The following ZHX2 variants were observed in gnomAD, a reference collection of about 807,000 sequenced individuals.
The protein encoded by ZHX2 is zinc fingers and homeoboxes 2, also known as zinc fingers and homeoboxes protein 2.
Under a neutral mutation model 21.9 loss-of-function variants are expected in ZHX2, and 6 were observed. That is an observed-to-expected ratio of 0.27 (90% CI 0.15 to 0.54). The LOEUF is 0.54. Among genes scored for constraint, ZHX2 ranks in the 20% least tolerant of loss-of-function variants. ZHX2 has a pLI of 0.95. For missense variants in ZHX2, 908 were observed against 1,090.7 expected, an observed-to-expected ratio of 0.83 and a Z score of 2.36; for synonymous variants, 434 against 437.1, an observed-to-expected ratio of 0.99 and a Z score of 0.09.
chr8:122,840,859 G>A (rs781677477), intron 1 of ZHX2, among the ~76,000 whole-genome samples: 5 of 152,208 alleles, frequency 3.3e-5, no homozygotes, highest in Admixed American at 6.5e-5. Flanking sequence ...GAAATCCAGT[G>A]TGACTTGCTC....
intron 2 of ZHX2, among the ~76,000 whole-genome samples, chr8:122,906,356 G>A (rs1172807210): frequency 2.0e-5 from 3 of 152,322 alleles, no homozygotes; most frequent in East Asian, 1.9e-4. Flanking sequence ...GAGATAACCT[G>A]TGAGTCCATC....
chr8:122,872,122 A>C (rs10112939), intron 2 of ZHX2, among the ~76,000 whole-genome samples: 1 of 152,072 alleles, frequency 6.6e-6, no homozygotes, highest in South Asian at 2.1e-4. Flanking sequence ...TCAGGTCTGC[A>C]GGCGAAGAAA....
intron 1 of ZHX2, among the ~76,000 whole-genome samples, chr8:122,783,358 TTC>T (rs556576013): frequency 3.3e-5 from 5 of 152,194 alleles, no homozygotes; most frequent in African/African-American, 1.2e-4. Context: ...TCTGATCACT[TTC>T]TCTCTGTTAA....
At chr8:122,914,298 G>A (rs926535259) in intron 2 of ZHX2, among the ~76,000 whole-genome samples, 2 of 152,190 alleles carry the variant, frequency 1.3e-5, no homozygotes, top group African/African-American at 2.4e-5. Context: ...AAGCCAGAAG[G>A]GACAGAGAAG....
chr8:122,966,776 C>T (rs913370324), intron 3 of ZHX2, among the ~76,000 whole-genome samples: 1 of 152,162 alleles, frequency 6.6e-6, no homozygotes, highest in African/African-American at 2.4e-5. Context: ...TCTCTTCTTC[C>T]TCAGAAGCAC....
At chr8:122,848,991 C>A (rs547634064) in intron 1 of ZHX2, among the ~76,000 whole-genome samples, 2 of 152,184 alleles carry the variant, frequency 1.3e-5, no homozygotes, top group African/African-American at 2.4e-5. Flanking sequence ...GGTCTCTTCG[C>A]GGCTGCTTGC....
intron 2 of ZHX2, among the ~76,000 whole-genome samples, chr8:122,933,045 G>A (rs1821032625): frequency 6.6e-6 from 1 of 152,164 alleles, no homozygotes; most frequent in African/African-American, 2.4e-5. Flanking sequence ...AGAGATGAAA[G>A]GCGTTCAAGG....
chr8:122,794,797 C>T (rs6993388), intron 1 of ZHX2, among the ~76,000 whole-genome samples: 4,740 of 152,232 alleles, frequency 0.031, 255 homozygotes, highest in African/African-American at 0.11. Context: ...TCCTCTCTCC[C>T]CTTTCATTCT....
intron 3 of ZHX2, among the ~76,000 whole-genome samples, chr8:122,968,412 C>A (rs536111462): frequency 2.6e-5 from 4 of 152,176 alleles, no homozygotes; most frequent in Non-Finnish European, 4.4e-5. Context: ...TGGGATGGCA[C>A]GGAGTTTTTG....
intron 1 of ZHX2, among the ~76,000 whole-genome samples, chr8:122,821,430 T>C (rs1009012903): frequency 6.6e-6 from 1 of 152,012 alleles, no homozygotes; most frequent in Admixed American, 6.6e-5. Flanking sequence ...TTGGCTTCCA[T>C]AGCAATGATT....
In ZHX2 at chr8:122,951,561, A is replaced by G. The variant is rs746911163; in HGVS notation, c.51A>G (p.Gln17=). Residue 17 remains glutamine (Q), a synonymous_variant, in exon 3 of 4, where the codon CAA becomes CAG. Coordinates refer to ENST00000314393, the MANE Select transcript of ZHX2 (RefSeq NM_014943.5). ...CTCCATGCATGGTTCGGACATCACAAGTAGTAGAACAAGATGTGCCCGAGG... is the reference window on the plus strand; with the variant it reads ...CTCCATGCATGGTTCGGACATCACAGGTAGTAGAACAAGATGTGCCCGAGG... ...STTPCMVRTS[Q]VVEQDVPEEV... is the part of the protein sequence containing the mutation. 1 of 1,613,774 alleles carries G rather than the reference A, an allele frequency of 6.2e-7. No individual in the cohort carries two copies. The highest frequency in any genetic ancestry group is 1.1e-5 in the South Asian group (1 of 90,996).
intron 1 of ZHX2, among the ~76,000 whole-genome samples, chr8:122,802,373 T>C (rs1281422931): frequency 6.6e-6 from 1 of 152,206 alleles, no homozygotes; most frequent in African/African-American, 2.4e-5. Context: ...TCAAGTCACT[T>C]TTCTTCTCAG....
intron 2 of ZHX2, among the ~76,000 whole-genome samples, chr8:122,940,243 T>C (rs1464332140): frequency 2.0e-5 from 3 of 152,186 alleles, no homozygotes; most frequent in Non-Finnish European, 4.4e-5. Flanking sequence ...GCACTAATGC[T>C]GAGCACTGAT....
chr8:122,877,787 G>A lies in ZHX2; in HGVS notation c.-220+14248G>A, dbSNP rs1248991907. On this transcript the variant is annotated intron_variant, in intron 2 of 3. Transcript: ENST00000314393. ...AGGAATTCTAAGAAGGAGGACTTGG[G>A]GGAGCTAAGACCTGGAGGAGGGGAA... Among the ~76,000 whole-genome samples the A allele has an allele frequency of 2.0e-5, 3 of 152,284 alleles. No individual in the cohort carries two copies. The East Asian group carries it at 5.8e-4, about 29-fold the overall frequency.
chr8:122,943,346 A>AC (rs1812892543), intron 2 of ZHX2, among the ~76,000 whole-genome samples: 1 of 152,164 alleles, frequency 6.6e-6, no homozygotes, highest in Non-Finnish European at 1.5e-5. Flanking sequence ...ATTTTAACAC[A>AC]ATCCCTAGGT....
intron 2 of ZHX2, among the ~76,000 whole-genome samples, chr8:122,907,364 G>A (rs573341418): frequency 1.3e-5 from 2 of 152,152 alleles, no homozygotes; most frequent in Admixed American, 1.3e-4. Flanking sequence ...ACTCCAAGCG[G>A]GAGGGAGCAT....
At chr8:122,947,634 T>C (rs1012044511) in intron 2 of ZHX2, among the ~76,000 whole-genome samples, 1 of 151,878 alleles carries the variant, frequency 6.6e-6, no homozygotes, top group Non-Finnish European at 1.5e-5. Flanking sequence ...GGTGAGGAAA[T>C]AGAGAGTGCT....
At position 122,952,092 on chromosome 8, in the gene ZHX2, G is replaced by A. The variant is rs756607406; in HGVS notation, c.582G>A (p.Ala194=). Residue 194 remains alanine, a synonymous_variant, in exon 3 of 4, where the codon GCG becomes GCA. Coordinates refer to ENST00000314393, the MANE Select transcript of ZHX2 (RefSeq NM_014943.5). This position sits in a 1 kb window ranked among gnomAD's most constrained non-coding sequence, Gnocchi z 6.9. ...TCATGAAGCCTGGAAAACCAAAAGC[G>A]GATGCCAAGAAGGTGCCCAAGAAGC... The part of the protein sequence containing the change: ...TPIMKPGKPK[A]DAKKVPKKPE... 66 of 1,613,312 alleles carry A rather than the reference G, an allele frequency of 4.1e-5. No homozygotes were observed. The highest frequency in any genetic ancestry group is 4.9e-5 in the Non-Finnish European group (58 of 1,179,944).
intron 1 of ZHX2, among the ~76,000 whole-genome samples, chr8:122,810,056 T>C (rs1817896032): frequency 6.6e-6 from 1 of 152,158 alleles, no homozygotes; most frequent in South Asian, 2.1e-4. Flanking sequence ...AAAATATATA[T>C]ATATTTTTAA....
Sources: gnomAD v4.1 joint callset for allele counts (sites outside exome capture counted in the v4.1 genomes callset) on GRCh38, gnomAD v4.1.1 for gene constraint, Gnocchi (gnomAD v3.1) non-coding constraint, MANE v1.5 for transcripts, NCBI Gene and HGNC (gene_info 2026-07-23, HGNC 2026-07-21) for gene names.